Variants in GREM2 observed in about 807,000 individuals in gnomAD.
GREM2 encodes gremlin 2, DAN family BMP antagonist, also known as gremlin-2.
Under a neutral mutation model 14.2 loss-of-function variants are expected in GREM2, and 11 were observed. That is an observed-to-expected ratio of 0.78 (90% CI 0.49 to 1.28). The LOEUF is 1.28. Among genes scored for constraint, GREM2 ranks in the 50% most tolerant of loss-of-function variants. GREM2 has a pLI of 0.00. For missense variants in GREM2, 210 were observed against 218.5 expected, an observed-to-expected ratio of 0.96 and a Z score of 0.24; for synonymous variants, 98 against 97.6, an observed-to-expected ratio of 1.00 and a Z score of -0.02.
intron 1 of GREM2, among the ~76,000 whole-genome samples, chr1:240,505,657 A>T (rs957585635): frequency 2.0e-5 from 3 of 152,048 alleles, no homozygotes; most frequent in Non-Finnish European, 4.4e-5. Flanking sequence ...GAGCCAAAAA[A>T]ATTAATCCCC....
intron 1 of GREM2, among the ~76,000 whole-genome samples, chr1:240,551,723 C>A (rs1248596295): frequency 2.6e-5 from 4 of 151,762 alleles, no homozygotes; most frequent in Admixed American, 2.6e-4. Context: ...GAATGAAAAA[C>A]CTCACAGAAA....
At chr1:240,521,179 T>A (rs961255500) in intron 1 of GREM2, among the ~76,000 whole-genome samples, 5 of 152,194 alleles carry the variant, frequency 3.3e-5, no homozygotes, top group African/African-American at 1.2e-4. Flanking sequence ...GGTTCTGTCT[T>A]GTGAGTGATG....
chr1:240,595,400 C>T (rs191249236), intron 1 of GREM2, among the ~76,000 whole-genome samples: 1 of 152,156 alleles, frequency 6.6e-6, no homozygotes, highest in Admixed American at 6.5e-5. Flanking sequence ...CTTTTGCTCT[C>T]TTGGGGTTAT....
chr1:240,583,607 C>CTT (rs869097805), intron 1 of GREM2, among the ~76,000 whole-genome samples: 3,382 of 84,742 alleles, frequency 0.04, 104 homozygotes, highest in African/African-American at 0.13. Context: ...TCATCTCTAT[C>CTT]TTTTTTTTTT....
chr1:240,529,281 T>C (rs2103312586), intron 1 of GREM2, among the ~76,000 whole-genome samples: 1 of 151,972 alleles, frequency 6.6e-6, no homozygotes, highest in East Asian at 1.9e-4. Context: ...TATGTTTTTT[T>C]TTTCTTATAA....
At chr1:240,573,369 T>C (rs1679296026) in intron 1 of GREM2, among the ~76,000 whole-genome samples, 1 of 151,828 alleles carries the variant, frequency 6.6e-6, no homozygotes, top group Non-Finnish European at 1.5e-5. Flanking sequence ...TCAGTATTAC[T>C]GATTTTTTTT....
At chr1:240,527,156 A>G (rs1678243383) in intron 1 of GREM2, among the ~76,000 whole-genome samples, 1 of 152,216 alleles carries the variant, frequency 6.6e-6, no homozygotes, top group South Asian at 2.1e-4. Context: ...ATCCTTTTCT[A>G]GATCTGGTGG....
chr1:240,502,113 G>A (rs371357126), intron 1 of GREM2, among the ~76,000 whole-genome samples: 3 of 152,138 alleles, frequency 2.0e-5, no homozygotes, highest in East Asian at 3.9e-4. Context: ...AATAGCAGAC[G>A]TCCACTTCCC....
At position 240,533,491 on chromosome 1, in the gene GREM2, G is replaced by A. The variant is rs183684784; in HGVS notation, c.-1-40015C>T. 5.9e-5 allele frequency among the ~76,000 whole-genome samples: 9 copies of A among 152,258 alleles called. No homozygotes were observed. In the East Asian group the frequency reaches 1.5e-3, roughly 26 times the overall value. ...TAGAACTCTATCCTGAAGAAACGAG[G>A]GAGTCCTTTGAGAATTTTAAGCATA... On this transcript the variant is annotated intron_variant, in intron 1 of 1. Transcript: ENST00000318160.
intron 1 of GREM2, among the ~76,000 whole-genome samples, chr1:240,537,211 A>G (rs1678492520): frequency 6.6e-6 from 1 of 152,258 alleles, no homozygotes; most frequent in African/African-American, 2.4e-5. Flanking sequence ...AAATAACTAA[A>G]TAAACAAAAG....
At chr1:240,497,829 A>C (rs1677465300) in intron 1 of GREM2, among the ~76,000 whole-genome samples, 1 of 152,100 alleles carries the variant, frequency 6.6e-6, no homozygotes, top group South Asian at 2.1e-4. Context: ...CAGCTTACAT[A>C]GCTTATTATA....
chr1:240,520,827 G>A (rs1231812447), intron 1 of GREM2, among the ~76,000 whole-genome samples: 2 of 150,748 alleles, frequency 1.3e-5, no homozygotes, highest in Non-Finnish European at 2.9e-5. Flanking sequence ...GTAGATGTGA[G>A]CCACTGTGCC....
intron 1 of GREM2, among the ~76,000 whole-genome samples, chr1:240,591,317 C>T (rs143168750): frequency 3.5e-4 from 53 of 152,222 alleles, no homozygotes; most frequent in African/African-American, 1.1e-3. Context: ...GCGACTAACA[C>T]GTACAAGGGA....
At chr1:240,500,647 TTC>T (rs1267138665) in intron 1 of GREM2, among the ~76,000 whole-genome samples, 1 of 152,180 alleles carries the variant, frequency 6.6e-6, no homozygotes, top group Non-Finnish European at 1.5e-5. Context: ...TTGCAACTTT[TTC>T]CCCAAGAGAT....
chr1:240,597,500 T>C (rs1394796869), intron 1 of GREM2, among the ~76,000 whole-genome samples: 3 of 152,222 alleles, frequency 2.0e-5, no homozygotes, highest in African/African-American at 7.2e-5. Flanking sequence ...AACCAGTGTT[T>C]CAAACGTCCC....
In GREM2 at chr1:240,543,100, A is replaced by G. The variant is rs1351965041; in HGVS notation, c.-1-49624T>C. The stretch of plus-strand genomic sequence containing the variant: ...CTGAGGTTTCAAAAGCATTTCCTCG[A>G]TCACTCTGTCATGATTATTTGACTA... On this transcript the variant is annotated intron_variant, in intron 1 of 1. Transcript: ENST00000318160. This position sits in a 1 kb window ranked among gnomAD's most constrained non-coding sequence, Gnocchi z 6.4. Among the ~76,000 whole-genome samples the G allele has an allele frequency of 1.3e-5, 2 of 152,196 alleles. No individual in the cohort carries two copies. The highest frequency in any genetic ancestry group is 2.9e-5 in the Non-Finnish European group (2 of 68,044).
chr1:240,595,404 G>A (rs78198931), intron 1 of GREM2, among the ~76,000 whole-genome samples: 2,553 of 152,138 alleles, frequency 0.017, 30 homozygotes, highest in Admixed American at 0.029. Flanking sequence ...TGCTCTCTTG[G>A]GGTTATACTT....
intron 1 of GREM2, among the ~76,000 whole-genome samples, chr1:240,575,435 C>T (rs1679348979): frequency 6.6e-6 from 1 of 152,096 alleles, no homozygotes; most frequent in Non-Finnish European, 1.5e-5. Context: ...GTAACTCTTA[C>T]ATTTAATGTG....
intron 1 of GREM2, among the ~76,000 whole-genome samples, chr1:240,552,489 GGAAGCT>G (rs1678871597): frequency 6.6e-6 from 1 of 152,126 alleles, no homozygotes; most frequent in East Asian, 1.9e-4. Flanking sequence ...TAGCTGCTTG[GGAAGCT>G]GAGATGGGAG....
Sources: allele counts gnomAD v4.1 joint callset (sites outside exome capture counted in the v4.1 genomes callset), GRCh38; gene constraint gnomAD v4.1.1; non-coding constraint Gnocchi (gnomAD v3.1); transcripts MANE v1.5; gene names NCBI Gene and HGNC (gene_info 2026-07-23, HGNC 2026-07-21).